MIB1: variants seen among roughly 807,000 people sequenced by gnomAD.
MIB1 encodes the protein MIB E3 ubiquitin protein ligase 1, also known as E3 ubiquitin-protein ligase MIB1.
MIB1 carries 278 observed loss-of-function variants against 124.5 expected under a neutral mutation model. That is an observed-to-expected ratio of 2.23 (90% CI 2.02 to 2.47). MIB1 has a LOEUF of 2.47. MIB1 is among the 30% of genes most tolerant of loss of function. MIB1 has a pLI of 0.00. For missense variants in MIB1, 957 were observed against 1,254.4 expected (o/e 0.76, Z 3.58); for synonymous variants, 446 against 429.4 (o/e 1.04, Z -0.48).
intron 10 of MIB1, among the ~76,000 whole-genome samples, chr18:21,815,224 AGTGGTGCG>A (rs778195456): frequency 5.9e-5 from 9 of 151,516 alleles, no homozygotes; most frequent in Non-Finnish European, 1.0e-4. Context: ...GTCAGAGTGC[AGTGGTGCG>A]ATCATAGCTC....
In MIB1 at chr18:21,847,020, G is replaced by A. The variant is rs754666877; in HGVS notation, c.2288G>A (p.Gly763Asp). ...ASIACFLAAN[G>D]ADLSIRNKKG... is the part of the protein sequence containing the mutation. The stretch of plus-strand genomic sequence containing the variant: ...ATTGCCTGTTTCTTGGCAGCCAATG[G>A]TGCTGACCTGAGCATTCGAAATAAG... Residue 763 changes from glycine (G) to aspartate (D), a missense_variant, in exon 16 of 21, where the codon GGT becomes GAT. Transcript: ENST00000261537. 1.2e-6 allele frequency: 2 copies of A among 1,614,116 alleles called. No individual in the cohort carries two copies. The highest frequency in any genetic ancestry group is 1.7e-6 in the Non-Finnish European group (2 of 1,180,002).
At chr18:21,784,973 C>T (rs984943163) in intron 6 of MIB1, among the ~76,000 whole-genome samples, 6 of 152,172 alleles carry the variant, frequency 3.9e-5, no homozygotes, top group East Asian at 3.9e-4. Flanking sequence ...TTTCATGTTT[C>T]GCCCTGTACA....
intron 10 of MIB1, among the ~76,000 whole-genome samples, chr18:21,807,866 A>G (rs2041726669): frequency 6.6e-6 from 1 of 152,220 alleles, no homozygotes; most frequent in South Asian, 2.1e-4. Flanking sequence ...AAACATATAC[A>G]AAAGTAGAGA....
intron 12 of MIB1, chr18:21,828,976 C>G (rs2041953430): frequency 2.1e-6 from 1 of 466,300 alleles, no homozygotes; most frequent in Non-Finnish European, 4.4e-6. Context: ...TCTTTTAGCT[C>G]AGTTTAATTC....
At chr18:21,861,584 A>G (rs2042276623) in intron 20 of MIB1, among the ~76,000 whole-genome samples, 1 of 151,500 alleles carries the variant, frequency 6.6e-6, no homozygotes, top group South Asian at 2.1e-4. Flanking sequence ...GTATTTAAAC[A>G]GTTTTATCAA....
In MIB1 at chr18:21,779,530, G is replaced by A. The variant is rs2041333260; in HGVS notation, c.753G>A (p.Leu251=). The A allele has an allele frequency of 2.5e-6, 4 of 1,614,082 alleles. No individual in the cohort carries two copies. The highest frequency in any genetic ancestry group is 3.4e-6 in the Non-Finnish European group (4 of 1,179,982). Residue 251 remains leucine, a synonymous_variant, in exon 6 of 21, where the codon CTG becomes CTA. Transcript: ENST00000261537. The stretch of plus-strand genomic sequence containing the variant: ...CTGGTGGATTGCAGATTGGTGACCT[G>A]GTAAATATAGATCTCGACCTCGAAA... ...RNPGGLQIGD[L]VNIDLDLEIV... is the part of the protein sequence containing the mutation.
chr18:21,814,636 C>T (rs940503495), intron 10 of MIB1, among the ~76,000 whole-genome samples: 2 of 151,844 alleles, frequency 1.3e-5, no homozygotes, highest in East Asian at 1.9e-4. Flanking sequence ...TGCAGTGGCC[C>T]GATCTCAGCT....
At chr18:21,743,662 T>C (rs769646142) in intron 1 of MIB1, among the ~76,000 whole-genome samples, 2 of 152,240 alleles carry the variant, frequency 1.3e-5, no homozygotes, top group Non-Finnish European at 2.9e-5. Context: ...GGTTTTGTTT[T>C]GTTACCTGCA....
intron 1 of MIB1, among the ~76,000 whole-genome samples, chr18:21,755,497 A>G (rs943570891): frequency 2.0e-5 from 3 of 152,082 alleles, no homozygotes; most frequent in African/African-American, 7.2e-5. Context: ...ACGCCCAGCT[A>G]ATTTTTACAT....
intron 7 of MIB1, among the ~76,000 whole-genome samples, chr18:21,793,292 A>G (rs887602834): frequency 6.6e-6 from 1 of 152,214 alleles, no homozygotes; most frequent in Non-Finnish European, 1.5e-5. Flanking sequence ...CTAACCAGCC[A>G]AAGCTCCCTT....
intron 20 of MIB1, among the ~76,000 whole-genome samples, 194 bp downstream of exon 20, chr18:21,858,840 CAA>C (rs1746658101): frequency 6.6e-6 from 1 of 151,880 alleles, no homozygotes; most frequent in Admixed American, 6.6e-5. Context: ...CACAAATGGC[CAA>C]TGAATATGAA....
At chr18:21,817,719 C>A in intron 11 of MIB1, 1 of 435,656 alleles carries the variant, frequency 2.3e-6, no homozygotes, top group Non-Finnish European at 4.6e-6. Flanking sequence ...CAGTCCCTTT[C>A]CTCAGTGTTG....
At chr18:21,770,136 A>C (rs977802251) in intron 3 of MIB1, among the ~76,000 whole-genome samples, 1 of 152,210 alleles carries the variant, frequency 6.6e-6, no homozygotes, top group Non-Finnish European at 1.5e-5. Context: ...CCTGGGAGGC[A>C]GAGGTAGCAG....
intron 1 of MIB1, among the ~76,000 whole-genome samples, chr18:21,748,555 G>C (rs1268421484): frequency 6.6e-6 from 1 of 151,314 alleles, no homozygotes; most frequent in Non-Finnish European, 1.5e-5. Flanking sequence ...TCAGCCTTTT[G>C]AGTAGCTGGG....
intron 1 of MIB1, among the ~76,000 whole-genome samples, chr18:21,733,944 G>A (rs1399802593): frequency 6.6e-6 from 1 of 151,632 alleles, no homozygotes; most frequent in Non-Finnish European, 1.5e-5. Context: ...ACCTCAGATG[G>A]GCCCATCTCA....
intron 1 of MIB1, among the ~76,000 whole-genome samples, chr18:21,725,972 CCT>C (rs1485740380): frequency 2.6e-5 from 4 of 151,946 alleles, no homozygotes; most frequent in African/African-American, 9.7e-5. Flanking sequence ...GTGAAAACAC[CCT>C]GTCTGTTAAC....
At chr18:21,827,082 G>C (rs917716739) in intron 12 of MIB1, 55 of 152,098 alleles carry the variant, frequency 3.6e-4, no homozygotes, top group African/African-American at 1.3e-3. Context: ...CCATATCGGG[G>C]CAAGGAGAGG....
At chr18:21,790,026 T>C (rs1198341092) in intron 6 of MIB1, among the ~76,000 whole-genome samples, 1 of 152,222 alleles carries the variant, frequency 6.6e-6, no homozygotes, top group Non-Finnish European at 1.5e-5. Flanking sequence ...ATTTTGAAGA[T>C]GATAGCAGCG....
intron 1 of MIB1, among the ~76,000 whole-genome samples, chr18:21,719,239 G>T (rs2040703346): frequency 1.3e-5 from 2 of 151,988 alleles, no homozygotes. Flanking sequence ...AGGAGGCTGA[G>T]GTGGGAGGAT....
Sources: gnomAD v4.1 joint callset for allele counts (sites outside exome capture counted in the v4.1 genomes callset) on GRCh38, gnomAD v4.1.1 for gene constraint, MANE v1.5 for transcripts, NCBI Gene and HGNC (gene_info 2026-07-23, HGNC 2026-07-21) for gene names.